Variants in TRPS1 observed in about 807,000 individuals in gnomAD.
TRPS1 encodes transcriptional repressor GATA binding 1.
In TRPS1, 6 loss-of-function variants were observed where a neutral mutation model predicts 101.2. That is an observed-to-expected ratio of 0.06 (90% confidence interval 0.03 to 0.12). The LOEUF is 0.12. Ranked by LOEUF, TRPS1 falls within the 10% of genes least tolerant of loss-of-function variation. TRPS1 has a pLI of 1.00. For missense variants in TRPS1, 1,363 were observed against 1,567.0 expected, an observed-to-expected ratio of 0.87 and a Z score of 2.20; for synonymous variants, 578 against 589.8, an observed-to-expected ratio of 0.98 and a Z score of 0.29.
At chr8:115,539,898 C>G (rs552040866) in intron 5 of TRPS1, among the ~76,000 whole-genome samples, 1 of 152,112 alleles carries the variant, frequency 6.6e-6, no homozygotes, top group Non-Finnish European at 1.5e-5. Context: ...TAATATCTGC[C>G]GTCTACATGA....
At chr8:115,617,118 C>A (rs553079885) in intron 3 of TRPS1, among the ~76,000 whole-genome samples, 12 of 152,126 alleles carry the variant, frequency 7.9e-5, no homozygotes, top group Non-Finnish European at 1.6e-4. Context: ...GTTTCAAAAT[C>A]CAATTGTTTG....
rs1043487223 is a variant in TRPS1, at chr8:115,620,199, A to G, written c.38-139T>C. 9 of 800,142 alleles carry G rather than the reference A, an allele frequency of 1.1e-5. No individual in the cohort carries two copies. In the African/African-American group the frequency reaches 1.6e-4, roughly 14 times the overall value. 49.6% of individuals were successfully genotyped at this position (800,142 alleles called of 1,614,324 possible). ...TCCTCTAGGAAAAAAAAAAAAACCC[A>G]TTCTAAAAACAGCAAAAAGTTGAGA... On this transcript the variant is annotated intron_variant, in intron 2 of 6. Coordinates refer to ENST00000395715, the MANE Select transcript of TRPS1 (RefSeq NM_014112.5).
At chr8:115,570,406 T>C (rs1817172791) in intron 5 of TRPS1, among the ~76,000 whole-genome samples, 1 of 152,078 alleles carries the variant, frequency 6.6e-6, no homozygotes, top group Admixed American at 6.6e-5. Flanking sequence ...TTCCAAATTT[T>C]AAAAAATGCA....
intron 5 of TRPS1, among the ~76,000 whole-genome samples, chr8:115,558,647 CT>C (rs1563602416): frequency 6.6e-6 from 1 of 152,120 alleles, no homozygotes; most frequent in African/African-American, 2.4e-5. Context: ...TTAATCACTG[CT>C]TTTTTTCATC....
chr8:115,667,729 G>A lies in TRPS1; in HGVS notation c.-122+816C>T, dbSNP rs1811957393. ...CACCCGCCTTCTCCAGAGCCCAGCTGGGCCTTTAAGGGAAAAAAGTTTGAA... is the reference window on the plus strand; with the variant it reads ...CACCCGCCTTCTCCAGAGCCCAGCTAGGCCTTTAAGGGAAAAAAGTTTGAA... On this transcript the variant is annotated intron_variant, in intron 1 of 6. Transcript: ENST00000395715. 5.5e-5 allele frequency: 60 copies of A among 1,095,484 alleles called. No individual in the cohort carries two copies. In the South Asian group the frequency reaches 9.1e-4, roughly 17 times the overall value. 67.9% of individuals were successfully genotyped at this position (1,095,484 alleles called of 1,614,324 possible).
chr8:115,557,163 A>T (rs746814962), intron 5 of TRPS1, among the ~76,000 whole-genome samples: 15 of 152,092 alleles, frequency 9.9e-5, no homozygotes, highest in Non-Finnish European at 2.1e-4. Flanking sequence ...TATCATGAGA[A>T]CACCATGGGA....
intron 5 of TRPS1, among the ~76,000 whole-genome samples, chr8:115,534,725 G>T (rs961963762): frequency 6.6e-6 from 1 of 152,174 alleles, no homozygotes; most frequent in African/African-American, 2.4e-5. Flanking sequence ...GATATTCAGA[G>T]AGTGGTAATA....
In TRPS1 at chr8:115,412,044, T is replaced by G. The variant is rs922624504; in HGVS notation, c.*1979A>C. 5 of 148,034 alleles carry G rather than the reference T, an allele frequency of 3.4e-5. No homozygotes were observed. Among genetic ancestry groups the G allele is most frequent in the African/African-American group, 1.3e-4 (5 of 39,826 alleles). 9.2% of individuals were successfully genotyped at this position (148,034 alleles called of 1,614,324 possible). ...TGCGACTACAGAATGCAAAAAAAAA[T>G]CAGCGTTGCAGATTCCAGCAACACT... On this transcript the variant is annotated 3_prime_UTR_variant, in exon 7 of 7. Transcript: ENST00000395715.
intron 4 of TRPS1, among the ~76,000 whole-genome samples, chr8:115,588,437 A>C (rs1817615181): frequency 1.3e-5 from 2 of 152,210 alleles, no homozygotes; most frequent in African/African-American, 4.8e-5. Flanking sequence ...CTTTACAAAT[A>C]TATTCATTAA....
At chr8:115,486,007 A>G (rs1343438827) in intron 5 of TRPS1, among the ~76,000 whole-genome samples, 1 of 152,204 alleles carries the variant, frequency 6.6e-6, no homozygotes, top group East Asian at 1.9e-4. Flanking sequence ...TTGTCTTATT[A>G]GGCTTTGCTT....
At chr8:115,504,110 G>A (rs748794964) in intron 5 of TRPS1, among the ~76,000 whole-genome samples, 26 of 151,972 alleles carry the variant, frequency 1.7e-4, no homozygotes, top group South Asian at 6.2e-4. Flanking sequence ...ATTTCCTACT[G>A]GCATCCAATT....
At position 115,587,352 on chromosome 8, in the gene TRPS1, C is replaced by G. The variant is rs1586431437; in HGVS notation, c.2349G>C (p.Leu783=). Residue 783 remains leucine, a synonymous_variant, in exon 5 of 7, where the codon CTG becomes CTC. Transcript: ENST00000395715. ...VSESVVKREK[L]EEKDGLKEKV... is the part of the protein sequence containing the mutation. ...TCTCTTTGAGCCCGTCCTTCTCTTC[C>G]AGCTTCTCTCTCTTCACCACACTCT... is the stretch of plus-strand genomic sequence containing the variant. 1 of 1,614,184 alleles carries G rather than the reference C, an allele frequency of 6.2e-7. No individual in the cohort carries two copies. Among genetic ancestry groups the G allele is most frequent in the East Asian group, 2.2e-5 (1 of 44,872 alleles).
chr8:115,534,099 G>A (rs904685770), intron 5 of TRPS1, among the ~76,000 whole-genome samples: 8 of 151,836 alleles, frequency 5.3e-5, no homozygotes, highest in Non-Finnish European at 8.8e-5. Flanking sequence ...GGAGGCTGAA[G>A]CTCTAACCCT....
At chr8:115,646,258 G>A (rs1056181972) in intron 1 of TRPS1, among the ~76,000 whole-genome samples, 2 of 152,140 alleles carry the variant, frequency 1.3e-5, no homozygotes, top group Admixed American at 6.5e-5. Context: ...GCCTATGGGT[G>A]AGAAGACTGC....
At chr8:115,439,709 C>T (rs1269510319) in intron 5 of TRPS1, among the ~76,000 whole-genome samples, 1 of 152,156 alleles carries the variant, frequency 6.6e-6, no homozygotes, top group East Asian at 1.9e-4. Context: ...TTTGTCCCTT[C>T]TGCTGAATAT....
intron 1 of TRPS1, among the ~76,000 whole-genome samples, chr8:115,650,719 G>A (rs1052420266): frequency 2.6e-5 from 4 of 152,094 alleles, no homozygotes; most frequent in South Asian, 2.1e-4. Flanking sequence ...CATGAAAAAC[G>A]TCTCAGCAGC....
chr8:115,438,501 T>C (rs1813512491), intron 5 of TRPS1, among the ~76,000 whole-genome samples: 2 of 152,204 alleles, frequency 1.3e-5, no homozygotes, highest in Non-Finnish European at 2.9e-5. Context: ...ATGAAGCACA[T>C]AGAATGCCTC....
chr8:115,504,553 T>C (rs1344739272), intron 5 of TRPS1, among the ~76,000 whole-genome samples: 3 of 152,226 alleles, frequency 2.0e-5, no homozygotes, highest in African/African-American at 7.2e-5. Context: ...GCCCTTGCCC[T>C]ACCTTTAAAC....
In TRPS1 at chr8:115,619,999, G is replaced by C. The variant is rs61758125; in HGVS notation, c.99C>G (p.Ile33Met). ...TGCTTTCTGTACCTATAGGCTCCAG[G>C]ATCTGGCCCTCGCCTTCACTTGCAA... ...RNVASEGEGQ[I>M]LEPIGTESKV... The change falls in exon 3 of 7, where the codon ATC (isoleucine) becomes ATG (methionine). Residue 33 changes from isoleucine (I) to methionine (M), a missense_variant. By Grantham distance (10) the Ile-to-Met change is conservative (BLOSUM62 1). Coordinates refer to ENST00000395715, the MANE Select transcript of TRPS1 (RefSeq NM_014112.5). 8.4e-5 allele frequency: 136 copies of C among 1,614,024 alleles called. No individual in the cohort carries two copies. Among genetic ancestry groups the C allele is most frequent in the Non-Finnish European group, 1.1e-4 (132 of 1,180,038 alleles).
Sources: allele counts gnomAD v4.1 joint callset (sites outside exome capture counted in the v4.1 genomes callset), GRCh38; gene constraint gnomAD v4.1.1; transcripts MANE v1.5; gene names NCBI Gene and HGNC (gene_info 2026-07-23, HGNC 2026-07-21).